The following KLF7 variants were observed in gnomAD, a reference collection of about 807,000 sequenced individuals.
KLF7 encodes the protein KLF transcription factor 7.
KLF7 carries 2 observed loss-of-function variants against 27.3 expected under a neutral mutation model. That is an observed-to-expected ratio of 0.07 (90% CI 0.03 to 0.23). The LOEUF (loss-of-function observed/expected upper bound fraction) is 0.23. Ranked by LOEUF, KLF7 falls within the 10% of genes least tolerant of loss-of-function variation. The pLI is 1.00. For synonymous variants in KLF7, 165 were observed against 162.4 expected, an observed-to-expected ratio of 1.02 and a Z score of -0.12; for missense variants, 221 against 394.1, an observed-to-expected ratio of 0.56 and a Z score of 3.72.
At chr2:207,161,535 T>TA (rs1426120204) in intron 1 of KLF7, among the ~76,000 whole-genome samples, 1 of 152,166 alleles carries the variant, frequency 6.6e-6, no homozygotes, top group Non-Finnish European at 1.5e-5. Context: ...TCCTGGCTGA[T>TA]ATAGCACCTG....
At chr2:207,096,183 T>C (rs1222493243) in intron 2 of KLF7, among the ~76,000 whole-genome samples, 1 of 152,190 alleles carries the variant, frequency 6.6e-6, no homozygotes, top group East Asian at 1.9e-4. Context: ...GTGAGAAAGC[T>C]AGGGGAGGAA....
intron 1 of KLF7, chr2:207,133,995 C>G: frequency 1.7e-6 from 2 of 1,196,730 alleles, no homozygotes; most frequent in South Asian, 2.8e-5. Flanking sequence ...TATGCACCCC[C>G]ACCCGCTCCT....
chr2:207,166,140 C>G (rs968287549), upstream of KLF7: 2 of 985,212 alleles, frequency 2.0e-6, no homozygotes, highest in Admixed American at 1.2e-4. Context: ...GTTCGGTTCT[C>G]CGCGCAGCCG....
At chr2:207,160,947 G>A (rs958184872) in intron 1 of KLF7, among the ~76,000 whole-genome samples, 1 of 152,192 alleles carries the variant, frequency 6.6e-6, no homozygotes, top group Non-Finnish European at 1.5e-5. Flanking sequence ...ATTCTCCTCA[G>A]GGTAAGGAGT....
At chr2:207,149,710 G>C (rs936117419) in intron 1 of KLF7, among the ~76,000 whole-genome samples, 5 of 152,192 alleles carry the variant, frequency 3.3e-5, no homozygotes, top group Admixed American at 6.5e-5. Context: ...ATATTCATTT[G>C]AAGAGTTCAC....
chr2:207,164,814 G>A (rs1388160239), intron 1 of KLF7, among the ~76,000 whole-genome samples: 1 of 152,126 alleles, frequency 6.6e-6, no homozygotes, highest in Non-Finnish European at 1.5e-5. Context: ...TCTTTCTGGA[G>A]GGATCACACT....
At chr2:207,167,072 C>T (rs2037893), upstream of KLF7, 2 of 1,318,960 alleles carry the variant, frequency 1.5e-6, no homozygotes, top group Non-Finnish European at 2.0e-6. Flanking sequence ...TAGAGGGAGC[C>T]TAGGTAGACG....
At position 207,098,508 on chromosome 2, in the gene KLF7, G is replaced by A. The variant is rs144415318; in HGVS notation, c.734-9927C>T. Among the ~76,000 whole-genome samples, 748 of 152,104 alleles carry A rather than the reference G, an allele frequency of 4.9e-3. 10 individuals carry two copies. Among genetic ancestry groups the A allele is most frequent in the African/African-American group, 0.017 (694 of 41,502 alleles). On this transcript the variant is annotated intron_variant, in intron 2 of 3. Coordinates refer to ENST00000309446, the MANE Select transcript of KLF7 (RefSeq NM_003709.4). ...AATAGAAATTTGATTATTAAAAAAC[G>A]TCAATTTTAAACTCACCTTTGGTCA...
At chr2:207,171,513 TGAAAG>T (rs746030905), upstream of KLF7, among the ~76,000 whole-genome samples, 2 of 152,190 alleles carry the variant, frequency 1.3e-5, no homozygotes, top group Non-Finnish European at 2.9e-5. Context: ...AAACCTGTCA[TGAAAG>T]GAAGCATCAG....
At chr2:207,172,564 C>T in the KLF7 span, among the ~76,000 whole-genome samples, 1 of 152,196 alleles carries the variant, frequency 6.6e-6, no homozygotes, top group Non-Finnish European at 1.5e-5. Context: ...TTCTCCCCAA[C>T]TCAACTTACA....
upstream of KLF7, chr2:207,167,307 G>A (rs2078744165): frequency 2.1e-6 from 1 of 471,348 alleles, no homozygotes; most frequent in Non-Finnish European, 3.3e-6. Context: ...GACCTTAAAT[G>A]GTTAGTGTGG....
At chr2:207,099,125 G>A (rs974623209) in intron 2 of KLF7, among the ~76,000 whole-genome samples, 2 of 152,104 alleles carry the variant, frequency 1.3e-5, no homozygotes, top group African/African-American at 4.8e-5. Context: ...AATTCCAGAG[G>A]TTGGCAAAAG....
In KLF7 at chr2:207,165,756, G is replaced by C; in HGVS notation, c.-188C>G. ...TGCAGGAGAGGGAGAGAGGAGGTGAGAGAGGAGCGAGTGAGTGGGGTGGAT... is the reference window on the plus strand; with the variant it reads ...TGCAGGAGAGGGAGAGAGGAGGTGACAGAGGAGCGAGTGAGTGGGGTGGAT... On this transcript the variant is annotated 5_prime_UTR_variant, in exon 1 of 4. Coordinates refer to ENST00000309446, the MANE Select transcript of KLF7 (RefSeq NM_003709.4). 4 of 1,440,392 alleles carry C rather than the reference G, an allele frequency of 2.8e-6. No homozygotes were observed. Among genetic ancestry groups the C allele is most frequent in the Non-Finnish European group, 3.6e-6 (4 of 1,103,424 alleles). The allele number at this position is 1,440,392 out of a possible 1,614,324, so 89.2% of individuals were successfully genotyped here. A position where few individuals can be genotyped will look rare whatever the true frequency, so the allele number is the denominator to read the frequency against.
chr2:207,101,519 A>G (rs973522225), intron 2 of KLF7, among the ~76,000 whole-genome samples: 1 of 152,214 alleles, frequency 6.6e-6, no homozygotes, highest in African/African-American at 2.4e-5. Flanking sequence ...AAAGGCCCAG[A>G]GATAAGAGAC....
In KLF7 at chr2:207,078,698, A is replaced by T. The variant is rs1028908886; in HGVS notation, c.*2515T>A. Reference sequence around the variant, plus strand: ...GAACCAACAGAATTCAGGGTGTCTAAAAGTTTCATCTAGTGCACTGACTGG... The same window carrying T: ...GAACCAACAGAATTCAGGGTGTCTATAAGTTTCATCTAGTGCACTGACTGG... On this transcript the variant is annotated 3_prime_UTR_variant, in exon 4 of 4. Transcript: ENST00000309446. 5.3e-5 allele frequency: 8 copies of T among 152,170 alleles called. No individual in the cohort carries two copies. The highest frequency in any genetic ancestry group is 1.9e-4 in the African/African-American group (8 of 41,420). 9.4% of individuals were successfully genotyped at this position (152,170 alleles called of 1,614,324 possible). A position where few individuals can be genotyped will look rare whatever the true frequency, so the allele number is the denominator to read the frequency against.
At chr2:207,163,511 A>G (rs142349871) in intron 1 of KLF7, among the ~76,000 whole-genome samples, 113 of 152,348 alleles carry the variant, frequency 7.4e-4, no homozygotes, top group African/African-American at 2.6e-3. Flanking sequence ...GTTTCTTTGC[A>G]GATCTAGAGT....
At chr2:207,130,574 A>G (rs1465071613) in intron 1 of KLF7, among the ~76,000 whole-genome samples, 1 of 152,242 alleles carries the variant, frequency 6.6e-6, no homozygotes, top group Non-Finnish European at 1.5e-5. Context: ...CTTTCTGAAA[A>G]AATGAGCTAG....
At chr2:207,166,971 C>G, upstream of KLF7, 1 of 803,810 alleles carries the variant, frequency 1.2e-6, no homozygotes, top group Non-Finnish European at 1.6e-6. Flanking sequence ...TCCCGCGCCT[C>G]CTTCTGACCC....
upstream of KLF7, among the ~76,000 whole-genome samples, chr2:207,170,979 G>A (rs1325536312): frequency 1.3e-5 from 2 of 150,928 alleles, no homozygotes; most frequent in South Asian, 2.1e-4. Flanking sequence ...GACTATAATT[G>A]CCATAGATAG....
Sources: allele counts gnomAD v4.1 joint callset (sites outside exome capture counted in the v4.1 genomes callset), GRCh38; gene constraint gnomAD v4.1.1; transcripts MANE v1.5; gene names NCBI Gene and HGNC (gene_info 2026-07-23, HGNC 2026-07-21).